WWOX: variants seen among roughly 807,000 people sequenced by gnomAD.
WWOX encodes the protein WW domain-containing oxidoreductase.
A neutral mutation model predicts 46.2 loss-of-function variants in WWOX; 69 were observed. The ratio of observed to expected loss-of-function variants is 1.49; its 90% CI spans 1.23 to 1.82. The LOEUF (loss-of-function observed/expected upper bound fraction) is 1.82, where lower values mean the gene tolerates loss of function less well. Ranked by LOEUF, WWOX falls within the 40% of genes most tolerant of loss-of-function variation. WWOX has a pLI of 0.00. For missense variants in WWOX, 919 were observed against 542.6 expected, an observed-to-expected ratio of 1.69 and a Z score of -6.89; for synonymous variants, 359 against 202.6, an observed-to-expected ratio of 1.77 and a Z score of -6.56.
chr16:79,006,221 T>G (rs1282603223), intron 8 of WWOX, among the ~76,000 whole-genome samples: 1 of 152,132 alleles, frequency 6.6e-6, no homozygotes, highest in African/African-American at 2.4e-5. Context: ...TCCCAGTCTT[T>G]AAGGATAAGT....
chr16:78,597,963 A>G (rs1387401318), intron 8 of WWOX, among the ~76,000 whole-genome samples: 7 of 152,036 alleles, frequency 4.6e-5, no homozygotes, highest in Non-Finnish European at 1.0e-4. Flanking sequence ...ATGCCCTTTA[A>G]TAGTGTAGCT....
chr16:79,000,163 C>T (rs765291216), intron 8 of WWOX, among the ~76,000 whole-genome samples: 1 of 152,164 alleles, frequency 6.6e-6, no homozygotes, highest in Non-Finnish European at 1.5e-5. Flanking sequence ...CATCTCCCTG[C>T]ACCCCTTCAC....
intron 8 of WWOX, among the ~76,000 whole-genome samples, chr16:79,124,168 G>A (rs573148771): frequency 6.6e-6 from 1 of 152,146 alleles, no homozygotes; most frequent in Non-Finnish European, 1.5e-5. Flanking sequence ...GAAGCTTCCT[G>A]TTGTCAATTC....
At chr16:78,629,615 T>A (rs1169871130) in intron 8 of WWOX, among the ~76,000 whole-genome samples, 1 of 152,186 alleles carries the variant, frequency 6.6e-6, no homozygotes, top group Non-Finnish European at 1.5e-5. Context: ...TGTACCACTT[T>A]CCCCAGAAAC....
intron 8 of WWOX, among the ~76,000 whole-genome samples, chr16:78,619,497 C>T (rs530852970): frequency 4.3e-4 from 66 of 151,840 alleles, no homozygotes; most frequent in African/African-American, 1.5e-3. Context: ...TTACAGGACC[C>T]TGCCAACCTC....
At chr16:78,617,482 C>T (rs552051496) in intron 8 of WWOX, among the ~76,000 whole-genome samples, 18 of 151,812 alleles carry the variant, frequency 1.2e-4, no homozygotes, top group African/African-American at 3.6e-4. Context: ...CGTTCATTCA[C>T]AATGCTCAGT....
intron 6 of WWOX, among the ~76,000 whole-genome samples, chr16:78,399,098 G>A (rs1024554315): frequency 1.3e-5 from 2 of 148,260 alleles, no homozygotes; most frequent in Non-Finnish European, 3.0e-5. Flanking sequence ...TGGAAGGGGT[G>A]GAAGGGGATG....
intron 8 of WWOX, among the ~76,000 whole-genome samples, chr16:78,753,725 C>A: frequency 6.8e-6 from 1 of 146,438 alleles, no homozygotes; most frequent in South Asian, 2.2e-4. Flanking sequence ...TTGCTTGAGC[C>A]TGGGAAGTCA....
chr16:79,087,449 T>G (rs951243560), intron 8 of WWOX, among the ~76,000 whole-genome samples: 1 of 152,204 alleles, frequency 6.6e-6, no homozygotes, highest in African/African-American at 2.4e-5. Flanking sequence ...AGCTTTTCAT[T>G]TTCACAGCCA....
At chr16:79,082,710 C>G (rs566309096) in intron 8 of WWOX, among the ~76,000 whole-genome samples, 104 of 152,258 alleles carry the variant, frequency 6.8e-4, no homozygotes, top group Non-Finnish European at 1.4e-3. Flanking sequence ...TGTGCAGTTC[C>G]CAGGGCAGGT....
rs938458842 is a variant in WWOX at position 79,032,301 on chromosome 16, T to C, written c.1057-179307T>C. Among the ~76,000 whole-genome samples the C allele has an allele frequency of 1.6e-4, 23 of 146,316 alleles. No individual in the cohort carries two copies. In the South Asian group the frequency reaches 4.8e-3, roughly 31 times the overall value. On this transcript the variant is annotated intron_variant, in intron 8 of 8. Transcript: ENST00000566780. ...ATAATATATAATAGACTCTATAATG[T>C]AGACTCTAATATGTAGTCTATATAT... is the stretch of plus-strand genomic sequence containing the variant.
chr16:79,122,452 T>C (rs1287472947), intron 8 of WWOX, among the ~76,000 whole-genome samples: 1 of 152,032 alleles, frequency 6.6e-6, no homozygotes, highest in Non-Finnish European at 1.5e-5. Context: ...TCTTCTTTCT[T>C]TTTCTTCTTT....
chr16:79,135,353 A>C (rs1472094342), intron 8 of WWOX, among the ~76,000 whole-genome samples: 2 of 151,906 alleles, frequency 1.3e-5, no homozygotes, highest in Admixed American at 6.6e-5. Flanking sequence ...GATTACATTT[A>C]TTTTCATTTC....
intron 8 of WWOX, among the ~76,000 whole-genome samples, chr16:79,130,126 A>T (rs939772675): frequency 6.6e-6 from 1 of 152,184 alleles, no homozygotes; most frequent in Non-Finnish European, 1.5e-5. Context: ...GATGTGTAAT[A>T]GAAAGGGAAT....
chr16:78,305,618 G>A (rs1467894571), intron 5 of WWOX, among the ~76,000 whole-genome samples: 1 of 151,698 alleles, frequency 6.6e-6, no homozygotes, highest in Non-Finnish European at 1.5e-5. Context: ...CATGGAGCTT[G>A]AACATAGGAG....
chr16:78,720,472 T>C (rs1322664284), intron 8 of WWOX, among the ~76,000 whole-genome samples: 2 of 84,204 alleles, frequency 2.4e-5, no homozygotes. Flanking sequence ...TTTTTTTTTC[T>C]TCTTTTTTTT....
intron 5 of WWOX, among the ~76,000 whole-genome samples, chr16:78,189,414 T>C (rs1315290556): frequency 1.3e-5 from 2 of 152,212 alleles, no homozygotes; most frequent in Admixed American, 6.5e-5. Flanking sequence ...CTGTCTTTAC[T>C]GGTGTATGCC....
intron 5 of WWOX, among the ~76,000 whole-genome samples, chr16:78,236,701 A>T (rs2037449699): frequency 1.3e-5 from 2 of 152,186 alleles, no homozygotes; most frequent in Admixed American, 1.3e-4. Flanking sequence ...TTTCATAGTT[A>T]AACATGTGCT....
chr16:78,503,501 C>G (rs1244936769), intron 8 of WWOX, among the ~76,000 whole-genome samples: 4 of 151,794 alleles, frequency 2.6e-5, no homozygotes, highest in Non-Finnish European at 5.9e-5. Flanking sequence ...CTAAATGCAT[C>G]TTTAATTTTA....
Sources: allele counts gnomAD v4.1 joint callset (sites outside exome capture counted in the v4.1 genomes callset), GRCh38; gene constraint gnomAD v4.1.1; transcripts MANE v1.5; gene names NCBI Gene and HGNC (gene_info 2026-07-23, HGNC 2026-07-21).